The following PHF20 variants were observed in gnomAD, a reference collection of about 807,000 sequenced individuals.
The protein encoded by PHF20 is PHD finger protein 20.
In PHF20, 23 loss-of-function variants were observed where a neutral mutation model predicts 113.5. The ratio of observed to expected loss-of-function variants is 0.20; its 90% CI spans 0.15 to 0.29. PHF20 has a LOEUF of 0.29. Among genes scored for constraint, PHF20 ranks in the 10% least tolerant of loss-of-function variants. PHF20 has a pLI of 1.00. For missense variants in PHF20, 943 were observed against 1,219.6 expected, an observed-to-expected ratio of 0.77 and a Z score of 3.38; for synonymous variants, 434 against 457.3, an observed-to-expected ratio of 0.95 and a Z score of 0.65.
At chr20:35,798,229 C>T (rs1178880158) in intron 1 of PHF20, among the ~76,000 whole-genome samples, 1 of 151,812 alleles carries the variant, frequency 6.6e-6, no homozygotes, top group African/African-American at 2.4e-5. Flanking sequence ...CCCAGACAAA[C>T]ACATAGCAAG....
intron 1 of PHF20, among the ~76,000 whole-genome samples, chr20:35,785,698 G>A (rs1262543027): frequency 6.6e-6 from 1 of 151,892 alleles, no homozygotes; most frequent in Non-Finnish European, 1.5e-5. Context: ...GTCTCTCAAG[G>A]CCCTGTTGAG....
At position 35,784,433 on chromosome 20, in the gene PHF20, CTTTTTTTTTTT is replaced by C. The variant is rs35002007; in HGVS notation, c.-33+12365_-33+12375del. The stretch of plus-strand genomic sequence containing the variant: ...TTTTAATGTTGAAATATCCCAAAGA[CTTTTTTTTTTT>C]TTTTTTTTTTGAGATGGAGTCTCAC... On this transcript the variant is annotated intron_variant, in intron 1 of 17. Coordinates refer to ENST00000374012, the MANE Select transcript of PHF20 (RefSeq NM_016436.5). 6.0e-3 allele frequency among the ~76,000 whole-genome samples: 662 copies of C among 110,542 alleles called. 5 individuals are homozygous for C. The highest frequency in any genetic ancestry group is 7.9e-3 in the Non-Finnish European group (453 of 57,666). The allele number at this position is 110,542 out of a possible 152,430, so 72.5% of individuals were successfully genotyped here. A position where few individuals can be genotyped will look rare whatever the true frequency, so the allele number is the denominator to read the frequency against.
At position 35,942,120 on chromosome 20, in the gene PHF20, T is replaced by A. The variant is rs1472125942; in HGVS notation, c.2896+1073T>A. Reference sequence around the variant, plus strand: ...GGGCATCACAGTCTCTACAAAAAAATAAAAAACTAGCCAAGTGTAGGGGTG... The same window carrying A: ...GGGCATCACAGTCTCTACAAAAAAAAAAAAAACTAGCCAAGTGTAGGGGTG... On this transcript the variant is annotated intron_variant, in intron 17 of 17. Transcript: ENST00000374012. 2.0e-5 allele frequency among the ~76,000 whole-genome samples: 3 copies of A among 151,832 alleles called. No individual in the cohort carries two copies. In the East Asian group the frequency reaches 5.8e-4, roughly 29 times the overall value.
chr20:35,925,870 C>T (rs1029581212), intron 13 of PHF20, among the ~76,000 whole-genome samples: 10 of 151,780 alleles, frequency 6.6e-5, no homozygotes, highest in African/African-American at 2.2e-4. Flanking sequence ...TGCCTATAAT[C>T]CCAGCACTTT....
rs571546850 is a variant in PHF20, at chr20:35,776,350, C to T, written c.-33+4271C>T. 2.0e-5 allele frequency among the ~76,000 whole-genome samples: 3 copies of T among 152,142 alleles called. No homozygotes were observed. In the East Asian group the frequency reaches 5.8e-4, roughly 29 times the overall value. On this transcript the variant is annotated intron_variant, in intron 1 of 17. Coordinates refer to ENST00000374012, the MANE Select transcript of PHF20 (RefSeq NM_016436.5). Reference sequence around the variant, plus strand: ...AAAAGCCAGGATAAAGCTATGTTCCCCGACCTCGAATGGAAGCTTCTGGCT... The same window carrying T: ...AAAAGCCAGGATAAAGCTATGTTCCTCGACCTCGAATGGAAGCTTCTGGCT...
chr20:35,789,422 C>T (rs111405980), intron 1 of PHF20, among the ~76,000 whole-genome samples: 3 of 145,226 alleles, frequency 2.1e-5, no homozygotes, highest in African/African-American at 7.6e-5. Context: ...CAGTGCAAGA[C>T]TCCATCAAAA....
intron 1 of PHF20, among the ~76,000 whole-genome samples, chr20:35,780,939 C>T (rs181554095): frequency 1.3e-4 from 20 of 150,476 alleles, no homozygotes; most frequent in Admixed American, 6.0e-4. Flanking sequence ...CTGCAACCTC[C>T]GCCTCCCGAG....
At chr20:35,776,968 G>A (rs1434470205) in intron 1 of PHF20, among the ~76,000 whole-genome samples, 1 of 152,150 alleles carries the variant, frequency 6.6e-6, no homozygotes, top group East Asian at 1.9e-4. Flanking sequence ...GCTCCCTTGG[G>A]CAGCCTGCCA....
chr20:35,852,914 CTTTTTTTTT>C (rs780852616), intron 4 of PHF20, among the ~76,000 whole-genome samples: 1 of 141,956 alleles, frequency 7.0e-6, no homozygotes, highest in East Asian at 2.1e-4. Flanking sequence ...TCTTTTTTTC[CTTTTTTTTT>C]TTTTCTAAAA....
chr20:35,857,169 A>G (rs2042845522), intron 4 of PHF20, among the ~76,000 whole-genome samples: 1 of 152,200 alleles, frequency 6.6e-6, no homozygotes, highest in Admixed American at 6.5e-5. Flanking sequence ...TGGTTTACTG[A>G]ATCTTGACAA....
intron 9 of PHF20, among the ~76,000 whole-genome samples, chr20:35,894,629 T>C (rs2054943196): frequency 1.3e-5 from 2 of 152,264 alleles, no homozygotes; most frequent in Non-Finnish European, 2.9e-5. Context: ...TGAGCACTTA[T>C]GTGCCGTACA....
chr20:35,787,733 A>G (rs1180284594), intron 1 of PHF20, among the ~76,000 whole-genome samples: 1 of 147,076 alleles, frequency 6.8e-6, no homozygotes, highest in African/African-American at 2.5e-5. Flanking sequence ...TGCCTCTCAA[A>G]GTGCTGGGAT....
intron 15 of PHF20, among the ~76,000 whole-genome samples, chr20:35,935,129 G>C (rs368808586): frequency 1.3e-5 from 2 of 152,140 alleles, no homozygotes; most frequent in East Asian, 3.9e-4. Context: ...ATAGGTGTAA[G>C]CCACTGTGTC....
intron 1 of PHF20, among the ~76,000 whole-genome samples, chr20:35,776,287 G>A (rs771844944): frequency 6.6e-6 from 1 of 152,134 alleles, no homozygotes; most frequent in Admixed American, 6.6e-5. Flanking sequence ...TTTCCAAAGA[G>A]TCCTTCTTGG....
Position 35,845,842 on chromosome 20 carries a change from A to T in PHF20, c.256-1508A>T, listed in dbSNP as rs534839008. Among the ~76,000 whole-genome samples the T allele has an allele frequency of 2.1e-5, 3 of 143,958 alleles. No individual in the cohort carries two copies. The South Asian group carries it at 6.5e-4, about 31-fold the overall frequency. 94.4% of individuals were successfully genotyped at this position (143,958 alleles called of 152,430 possible). On this transcript the variant is annotated intron_variant, in intron 3 of 17. Transcript: ENST00000374012. ...GCCGAGGCTGGAGTGCAGTGGCATG[A>T]TCTTGACTCACTGCAACCTGTCTTT...
chr20:35,938,827 A>G lies in PHF20; in HGVS notation c.2431A>G (p.Thr811Ala), dbSNP rs759400800. The G allele has an allele frequency of 6.2e-7, 1 of 1,614,100 alleles. No homozygotes were observed. Among genetic ancestry groups the G allele is most frequent in the Non-Finnish European group, 8.5e-7 (1 of 1,179,998 alleles). ...CAAGGAGGAAGCTCCAAGCTATAGA[A>G]CTTTGAACGGGGCAGTGGAGAAGCC... The part of the protein sequence containing the change: ...RSKEEAPSYR[T>A]LNGAVEKPRP... The change falls in exon 16 of 18, where the codon ACT (threonine) becomes GCT (alanine). Residue 811 changes from threonine (T) to alanine (A), a missense_variant. Physicochemically the swap from Thr to Ala is moderately conservative, Grantham distance 58. This residue lies in a region of PHF20 where 349 missense variants were observed against 412.3 expected (regional missense o/e 0.85). Coordinates refer to ENST00000374012, the MANE Select transcript of PHF20 (RefSeq NM_016436.5).
At chr20:35,942,121 A>T (rs961227517) in intron 17 of PHF20, among the ~76,000 whole-genome samples, 2 of 152,060 alleles carry the variant, frequency 1.3e-5, no homozygotes, top group Non-Finnish European at 2.9e-5. Context: ...ACAAAAAAAT[A>T]AAAAACTAGC....
intron 5 of PHF20, 68 bp downstream of exon 5, chr20:35,858,449 A>G (rs552168717): frequency 5.8e-5 from 48 of 825,270 alleles, no homozygotes; most frequent in South Asian, 5.0e-4. Context: ...TTCCTCAAAT[A>G]AAGACATTAC....
At chr20:35,781,986 C>T (rs953622749) in intron 1 of PHF20, among the ~76,000 whole-genome samples, 3 of 152,056 alleles carry the variant, frequency 2.0e-5, no homozygotes, top group African/African-American at 7.2e-5. Flanking sequence ...CCATTAAACA[C>T]TGACTCCCTC....
Sources: allele counts gnomAD v4.1 joint callset (sites outside exome capture counted in the v4.1 genomes callset), GRCh38; gene constraint gnomAD v4.1.1; regional missense constraint gnomAD v4.1.1; transcripts MANE v1.5; gene names NCBI Gene and HGNC (gene_info 2026-07-23, HGNC 2026-07-21).